RORB: variants seen among roughly 807,000 people sequenced by gnomAD.
The protein encoded by RORB is nuclear receptor ROR-beta.
In RORB, 6 loss-of-function variants were observed where a neutral mutation model predicts 59.1. The observed-to-expected ratio is 0.10, with a 90% confidence interval of 0.06 to 0.20. The LOEUF is 0.20. Among genes scored for constraint, RORB ranks in the 10% least tolerant of loss-of-function variants. The pLI, the probability that RORB is intolerant of heterozygous loss-of-function variation, is 1.00. For synonymous variants in RORB, 215 were observed against 204.5 expected, an observed-to-expected ratio of 1.05 and a Z score of -0.44; for missense variants, 320 against 560.5, an observed-to-expected ratio of 0.57 and a Z score of 4.33.
intron 1 of RORB, among the ~76,000 whole-genome samples, chr9:74,615,802 A>ACTCAGGC (rs1374414803): frequency 6.6e-6 from 1 of 152,182 alleles, no homozygotes; most frequent in Non-Finnish European, 1.5e-5. Context: ...AAAACAAGTC[A>ACTCAGGC]CTCAGGCTTA....
At chr9:74,654,372 G>T in intron 4 of RORB, among the ~76,000 whole-genome samples, 1 of 105,226 alleles carries the variant, frequency 9.5e-6, no homozygotes, top group Non-Finnish European at 2.0e-5. Flanking sequence ...GAGAGAGAGA[G>T]TAAGGAGACT....
At chr9:74,529,295 C>T (rs752947798) in intron 1 of RORB, among the ~76,000 whole-genome samples, 1 of 150,524 alleles carries the variant, frequency 6.6e-6, no homozygotes, top group Non-Finnish European at 1.5e-5. Flanking sequence ...CAAGACTGAA[C>T]AGAAGAATGA....
At chr9:74,549,783 A>C (rs1826577563) in intron 1 of RORB, among the ~76,000 whole-genome samples, 1 of 151,982 alleles carries the variant, frequency 6.6e-6, no homozygotes, top group Non-Finnish European at 1.5e-5. Context: ...GCTGGAGTGC[A>C]GTGGCGCGAT....
chr9:74,656,692 T>C (rs1195002688), intron 4 of RORB, among the ~76,000 whole-genome samples: 2 of 152,142 alleles, frequency 1.3e-5, no homozygotes, highest in African/African-American at 4.8e-5. Flanking sequence ...GCTGCAATCA[T>C]GCCACTGCAC....
At chr9:74,601,144 T>A (rs555724494) in intron 1 of RORB, among the ~76,000 whole-genome samples, 1 of 152,122 alleles carries the variant, frequency 6.6e-6, no homozygotes, top group East Asian at 1.9e-4. Context: ...ACTCTTTTTC[T>A]TAGCTATTCC....
intron 1 of RORB, among the ~76,000 whole-genome samples, chr9:74,622,273 C>T (rs534083031): frequency 6.6e-5 from 10 of 152,110 alleles, no homozygotes; most frequent in African/African-American, 1.7e-4. Flanking sequence ...TAAAGAGAGA[C>T]GAGTTTTATT....
chr9:74,573,737 C>G (rs1160515196), intron 1 of RORB, among the ~76,000 whole-genome samples: 1 of 152,108 alleles, frequency 6.6e-6, no homozygotes, highest in Non-Finnish European at 1.5e-5. Flanking sequence ...TGTTAAAGAA[C>G]TTCACTAATG....
At chr9:74,543,379 T>C (rs1346419932) in intron 1 of RORB, among the ~76,000 whole-genome samples, 1 of 152,252 alleles carries the variant, frequency 6.6e-6, no homozygotes, top group African/African-American at 2.4e-5. Flanking sequence ...GTCCAACTCA[T>C]GTATTGTGGG....
chr9:74,659,405 C>G (rs1824142673), intron 4 of RORB, among the ~76,000 whole-genome samples: 1 of 152,172 alleles, frequency 6.6e-6, no homozygotes, highest in Non-Finnish European at 1.5e-5. Flanking sequence ...TTATTTTCAA[C>G]TAGTGTTCAA....
At chr9:74,679,825 A>T (rs1824514505) in intron 9 of RORB, among the ~76,000 whole-genome samples, 1 of 152,104 alleles carries the variant, frequency 6.6e-6, no homozygotes, top group South Asian at 2.1e-4. Flanking sequence ...TGTATTCATT[A>T]AGACTCTTTG....
intron 4 of RORB, among the ~76,000 whole-genome samples, chr9:74,645,474 C>G (rs183704137): frequency 2.6e-4 from 40 of 152,260 alleles, no homozygotes; most frequent in African/African-American, 8.9e-4. Context: ...CTTAACTTCT[C>G]TGAGTCTCAG....
At chr9:74,540,258 A>G (rs886786999) in intron 1 of RORB, among the ~76,000 whole-genome samples, 2 of 152,068 alleles carry the variant, frequency 1.3e-5, no homozygotes, top group Non-Finnish European at 2.9e-5. Flanking sequence ...CCCTCTGCTC[A>G]CTCTGTGCCC....
chr9:74,675,589 T>C (rs1411497304), intron 9 of RORB, among the ~76,000 whole-genome samples: 2 of 152,142 alleles, frequency 1.3e-5, no homozygotes, highest in Non-Finnish European at 2.9e-5. Context: ...TTATAAAAAG[T>C]GAAGAAAAAG....
chr9:74,534,681 A>G (rs1357741599), intron 1 of RORB, among the ~76,000 whole-genome samples: 1 of 151,912 alleles, frequency 6.6e-6, no homozygotes, highest in African/African-American at 2.4e-5. Context: ...CACCATATAT[A>G]AATTCTCTCT....
chr9:74,667,554 A>G (rs11144051), intron 7 of RORB, among the ~76,000 whole-genome samples: 6,362 of 152,302 alleles, frequency 0.042, 449 homozygotes, highest in East Asian at 0.35. Context: ...CACCAAGTCT[A>G]CTTGCTTGCC....
intron 1 of RORB, among the ~76,000 whole-genome samples, chr9:74,583,919 GACTGAGC>G (rs1822760203): frequency 6.6e-6 from 1 of 152,190 alleles, no homozygotes; most frequent in Admixed American, 6.5e-5. Flanking sequence ...CTAGCAGACA[GACTGAGC>G]ACTTTGATGG....
chr9:74,617,526 A>C (rs776727367), intron 1 of RORB, among the ~76,000 whole-genome samples: 1 of 152,208 alleles, frequency 6.6e-6, no homozygotes, highest in Non-Finnish European at 1.5e-5. Context: ...CTCAAATATA[A>C]GATATCTCGG....
At chr9:74,622,519 A>ATTTTTTTTTTTTTT (rs33946613) in intron 1 of RORB, among the ~76,000 whole-genome samples, 2 of 74,142 alleles carry the variant, frequency 2.7e-5, no homozygotes, top group Non-Finnish European at 4.7e-5. Flanking sequence ...TACAACCCAG[A>ATTTTTTTTTTTTTT]TTTTTTTTTT....
chr9:74,549,478 T>C (rs12377403), intron 1 of RORB, among the ~76,000 whole-genome samples: 42,818 of 71,492 alleles, frequency 0.6, 14,565 homozygotes, highest in African/African-American at 0.74. Flanking sequence ...GAGAGAGAGG[T>C]AGGGAGGGAG....
Sources: allele counts gnomAD v4.1 joint callset (sites outside exome capture counted in the v4.1 genomes callset), GRCh38; gene constraint gnomAD v4.1.1; transcripts MANE v1.5; gene names NCBI Gene and HGNC (gene_info 2026-07-23, HGNC 2026-07-21).